The following NRG1 variants were observed in gnomAD, a reference collection of about 807,000 sequenced individuals.
NRG1 encodes neuregulin 1.
In NRG1, 18 loss-of-function variants were observed where a neutral mutation model predicts 63.8. The observed-to-expected ratio is 0.28, with a 90% CI of 0.19 to 0.42. The LOEUF is 0.42. Ranked by LOEUF, NRG1 falls within the 10% of genes least tolerant of loss-of-function variation. NRG1 has a pLI of 1.00. For synonymous variants in NRG1, 302 were observed against 301.3 expected (o/e 1.00, Z -0.02); for missense variants, 762 against 814.7 (o/e 0.94, Z 0.79).
chr8:32,400,282 G>C (rs1010165631), intron 1 of NRG1, among the ~76,000 whole-genome samples: 1 of 152,132 alleles, frequency 6.6e-6, no homozygotes, highest in Non-Finnish European at 1.5e-5. Context: ...TCAGGAGTTT[G>C]AGACCAGCCT....
chr8:31,910,129 G>A lies in NRG1; in HGVS notation c.37+270698G>A, dbSNP rs984565295. Among the ~76,000 whole-genome samples, 3 of 152,144 alleles carry A rather than the reference G, an allele frequency of 2.0e-5. No individual in the cohort carries two copies. In the East Asian group the frequency reaches 5.8e-4, roughly 29 times the overall value. On this transcript the variant is annotated intron_variant, in intron 1 of 10. Coordinates refer to the NRG1 transcript ENST00000519301. ...GTTTCTGAGAAGATCTTCACTCTGG[G>A]GAAACAATATTTAAGCTGCGAGCTA...
At chr8:31,950,471 T>C (rs1274545562) in intron 1 of NRG1, among the ~76,000 whole-genome samples, 4 of 152,192 alleles carry the variant, frequency 2.6e-5, no homozygotes, top group Non-Finnish European at 5.9e-5. Flanking sequence ...CAGCCATTTC[T>C]CTCCAGACAC....
At chr8:31,756,005 C>T (rs1222778692) in intron 1 of NRG1, among the ~76,000 whole-genome samples, 4 of 152,038 alleles carry the variant, frequency 2.6e-5, no homozygotes, top group Admixed American at 2.0e-4. Context: ...ATTTTAGCAC[C>T]TTATTTCTAC....
rs542664339 is a variant in NRG1 at position 31,855,785 on chromosome 8, G to A, written c.37+216354G>A. Among the ~76,000 whole-genome samples, 23 of 152,110 alleles carry A rather than the reference G, an allele frequency of 1.5e-4. 2 individuals carry two copies. The South Asian group carries it at 4.4e-3, about 29-fold the overall frequency. On this transcript the variant is annotated intron_variant, in intron 1 of 10. Coordinates refer to the NRG1 transcript ENST00000519301. ...CTTTTCATGTTTAGCGCTTCCTTCA[G>A]GAGCTCTTTTAGGGCAGGCCTGGTG... is the stretch of plus-strand genomic sequence containing the variant.
At position 31,683,068 on chromosome 8, in the gene NRG1, G is replaced by A. The variant is rs890635371; in HGVS notation, c.37+43637G>A. 1.9e-4 allele frequency among the ~76,000 whole-genome samples: 29 copies of A among 152,210 alleles called. 1 individual carries two copies. In the East Asian group the frequency reaches 5.4e-3, roughly 28 times the overall value. ...TAACTAACCCGCCCTCGGGAGAAAC[G>A]ATCTTCCTAGAGTCTAACCTGCTGA... On this transcript the variant is annotated intron_variant, in intron 1 of 10. Transcript: ENST00000519301.
chr8:31,916,349 T>C (rs1414656552), intron 1 of NRG1, among the ~76,000 whole-genome samples: 1 of 152,086 alleles, frequency 6.6e-6, no homozygotes, highest in Admixed American at 6.6e-5. Context: ...CTCCCAATGC[T>C]ATCCCTCCCC....
chr8:32,696,673 T>C (rs1285110022), intron 5 of NRG1, among the ~76,000 whole-genome samples: 3 of 150,194 alleles, frequency 2.0e-5, no homozygotes, highest in Non-Finnish European at 4.4e-5. Context: ...TTTTTTTTTT[T>C]TTTTTGACAC....
intron 1 of NRG1, among the ~76,000 whole-genome samples, chr8:32,254,603 T>A (rs1040986103): frequency 2.0e-5 from 3 of 152,150 alleles, no homozygotes; most frequent in African/African-American, 7.2e-5. Context: ...AATTATGTGG[T>A]CAGTTTTAGA....
intron 1 of NRG1, among the ~76,000 whole-genome samples, chr8:32,530,491 C>T (rs1831352940): frequency 6.6e-6 from 1 of 152,166 alleles, no homozygotes; most frequent in African/African-American, 2.4e-5. Flanking sequence ...CCATACAGTA[C>T]TTCCAATAAT....
intron 1 of NRG1, among the ~76,000 whole-genome samples, chr8:31,650,070 A>C (rs1363988938): frequency 6.6e-6 from 1 of 152,024 alleles, no homozygotes; most frequent in African/African-American, 2.4e-5. Flanking sequence ...CCTCAACCTC[A>C]TGGACTCAAG....
At chr8:31,750,754 G>T (rs191866022) in intron 1 of NRG1, among the ~76,000 whole-genome samples, 1 of 151,938 alleles carries the variant, frequency 6.6e-6, no homozygotes, top group East Asian at 1.9e-4. Context: ...GCCTAATATT[G>T]GGAGTCTTTT....
At chr8:31,802,426 G>A (rs142989746) in intron 1 of NRG1, among the ~76,000 whole-genome samples, 310 of 152,132 alleles carry the variant, frequency 2.0e-3, no homozygotes, top group African/African-American at 7.3e-3. Context: ...CAGGTTTTGG[G>A]TGTTACATTT....
At chr8:32,628,563 T>A (rs915070392) in intron 5 of NRG1, among the ~76,000 whole-genome samples, 5 of 152,048 alleles carry the variant, frequency 3.3e-5, no homozygotes, top group Non-Finnish European at 7.4e-5. Context: ...AAATAGATGA[T>A]TCAAAGATAC....
intron 1 of NRG1, among the ~76,000 whole-genome samples, chr8:31,745,453 A>G (rs974599669): frequency 6.6e-6 from 1 of 151,986 alleles, no homozygotes; most frequent in Non-Finnish European, 1.5e-5. Context: ...GAACTGTTAA[A>G]TTGGACAAGT....
At chr8:32,049,777 T>C (rs1425077563) in intron 1 of NRG1, among the ~76,000 whole-genome samples, 1 of 152,140 alleles carries the variant, frequency 6.6e-6, no homozygotes, top group African/African-American at 2.4e-5. Flanking sequence ...TGATTTTCAA[T>C]GTAGGTCATG....
intron 1 of NRG1, among the ~76,000 whole-genome samples, chr8:32,119,267 A>G (rs938453451): frequency 1.3e-5 from 2 of 152,134 alleles, no homozygotes; most frequent in African/African-American, 4.8e-5. Flanking sequence ...TCATTTTAAT[A>G]TGAGAAAACT....
At chr8:32,614,223 A>G (rs892398998) in intron 3 of NRG1, among the ~76,000 whole-genome samples, 3 of 152,084 alleles carry the variant, frequency 2.0e-5, no homozygotes, top group Non-Finnish European at 2.9e-5. Context: ...TGAGAAGCCT[A>G]CTGCCTCTTT....
chr8:31,867,585 T>C lies in NRG1; in HGVS notation c.37+228154T>C, dbSNP rs535751737. 4.4e-3 allele frequency among the ~76,000 whole-genome samples: 369 copies of C among 84,298 alleles called. 1 individual carries two copies. Among genetic ancestry groups the C allele is most frequent in the Non-Finnish European group, 6.7e-3 (279 of 41,334 alleles). 55.3% of individuals were successfully genotyped at this position (84,298 alleles called of 152,430 possible). On this transcript the variant is annotated intron_variant, in intron 1 of 10. Transcript: ENST00000519301. ...TCTTGGTATATAATTCCTTTGTACTTTTTGGGAAAATAAGGCTGTAATGGA... is the reference window on the plus strand; with the variant it reads ...TCTTGGTATATAATTCCTTTGTACTCTTTGGGAAAATAAGGCTGTAATGGA...
intron 7 of NRG1, among the ~76,000 whole-genome samples, chr8:32,746,673 A>G (rs956169655): frequency 1.3e-5 from 2 of 152,136 alleles, no homozygotes; most frequent in African/African-American, 4.8e-5. Flanking sequence ...AATCACATGT[A>G]GAAAAGGAAA....
Sources: gnomAD v4.1 joint callset for allele counts (sites outside exome capture counted in the v4.1 genomes callset) on GRCh38, gnomAD v4.1.1 for gene constraint, MANE v1.5 for transcripts, NCBI Gene and HGNC (gene_info 2026-07-23, HGNC 2026-07-21) for gene names.